The following PTPRD variants were observed in gnomAD, a reference collection of about 807,000 sequenced individuals.
PTPRD encodes the protein receptor-type tyrosine-protein phosphatase delta.
In PTPRD, 34 loss-of-function variants were observed where a neutral mutation model predicts 214.5. That is an observed-to-expected ratio of 0.16 (90% CI 0.12 to 0.21). PTPRD has a LOEUF of 0.21. Among genes scored for constraint, PTPRD ranks in the 10% least tolerant of loss-of-function variants. The pLI is 1.00. For synonymous variants in PTPRD, 1,128 were observed against 845.7 expected (o/e 1.33, Z -5.79); for missense variants, 2,545 against 2,398.7 (o/e 1.06, Z -1.27).
intron 11 of PTPRD, among the ~76,000 whole-genome samples, chr9:8,850,064 G>C (rs1188976937): frequency 1.3e-5 from 2 of 152,086 alleles, no homozygotes; most frequent in African/African-American, 2.4e-5. Context: ...ATGACACCAA[G>C]GTTTCTGATC....
intron 8 of PTPRD, among the ~76,000 whole-genome samples, chr9:9,572,906 A>G (rs896274345): frequency 1.3e-5 from 2 of 151,524 alleles, no homozygotes; most frequent in Non-Finnish European, 3.0e-5. Flanking sequence ...GTCAGTGACT[A>G]TAGGGAGCAA....
intron 9 of PTPRD, among the ~76,000 whole-genome samples, chr9:9,193,614 G>A (rs1001314919): frequency 1.3e-4 from 20 of 152,130 alleles, no homozygotes; most frequent in African/African-American, 4.6e-4. Flanking sequence ...GTAGGCAACT[G>A]TAACACAATG....
At chr9:9,289,376 T>C (rs557802878) in intron 9 of PTPRD, among the ~76,000 whole-genome samples, 1 of 152,038 alleles carries the variant, frequency 6.6e-6, no homozygotes, top group Admixed American at 6.6e-5. Flanking sequence ...ATCAAAATTA[T>C]ATGTATTCAA....
At chr9:9,921,220 C>A (rs973482046) in intron 5 of PTPRD, among the ~76,000 whole-genome samples, 1 of 152,080 alleles carries the variant, frequency 6.6e-6, no homozygotes, top group Admixed American at 6.6e-5. Flanking sequence ...AAAAGTGCTG[C>A]TTTCAACTCT....
Position 8,376,617 on chromosome 9 carries a change from G to C in PTPRD, c.4496C>G (p.Ala1499Gly), listed in dbSNP as rs775326809. ...ELATYCVRTF[A>G]LYKNGSSEKR... is the part of the protein sequence containing the mutation. The stretch of plus-strand genomic sequence containing the variant: ...AGATGAAAAGCAAACCTTGTAAAGT[G>C]CAAATGTTCGAACACAATATGTGGC... Residue 1499 changes from alanine to glycine, a missense_variant, in exon 38 of 46, where the codon GCA becomes GGA. Physicochemically the swap from Ala to Gly is moderately conservative, Grantham distance 60 (BLOSUM62 0). Coordinates refer to ENST00000381196, the MANE Select transcript of PTPRD (RefSeq NM_002839.4). The C allele has an allele frequency of 6.2e-7, 1 of 1,612,846 alleles. No homozygotes were observed. The highest frequency in any genetic ancestry group is 8.5e-7 in the Non-Finnish European group (1 of 1,179,178).
At chr9:9,349,757 G>GTT (rs60320413) in intron 9 of PTPRD, among the ~76,000 whole-genome samples, 7,620 of 147,238 alleles carry the variant, frequency 0.052, 632 homozygotes, top group African/African-American at 0.18. Context: ...CCCATCACAT[G>GTT]TTTTTTTTTT....
intron 3 of PTPRD, among the ~76,000 whole-genome samples, chr9:10,243,723 G>A (rs2091564436): frequency 6.6e-6 from 1 of 151,890 alleles, no homozygotes; most frequent in Admixed American, 6.6e-5. Context: ...TCACAATCTT[G>A]CTCCAACCTC....
intron 12 of PTPRD, among the ~76,000 whole-genome samples, chr9:8,680,615 A>G (rs976879115): frequency 6.6e-6 from 1 of 152,186 alleles, no homozygotes; most frequent in Admixed American, 6.5e-5. Flanking sequence ...ACTATATATG[A>G]TATTAAATAT....
chr9:9,629,541 T>C (rs1406966125), intron 7 of PTPRD, among the ~76,000 whole-genome samples: 2 of 152,086 alleles, frequency 1.3e-5, no homozygotes, highest in South Asian at 2.1e-4. Context: ...AGAAATTAAA[T>C]GCACAAAATA....
intron 11 of PTPRD, among the ~76,000 whole-genome samples, chr9:8,843,785 C>A (rs78749485): frequency 0.074 from 11,292 of 152,080 alleles, 526 homozygotes; most frequent in Non-Finnish European, 0.098. Context: ...TTGGCAAGGA[C>A]CCCATTTCTG....
chr9:10,163,303 T>C (rs1004853382), intron 3 of PTPRD, among the ~76,000 whole-genome samples: 2 of 151,402 alleles, frequency 1.3e-5, no homozygotes, highest in African/African-American at 4.8e-5. Context: ...TGATTTTAAT[T>C]ACTGTCTTTG....
chr9:10,117,569 C>T (rs1360999478), intron 3 of PTPRD, among the ~76,000 whole-genome samples: 3 of 150,952 alleles, frequency 2.0e-5, no homozygotes, highest in African/African-American at 7.3e-5. Flanking sequence ...AATCTACCTC[C>T]TTCTTCACTT....
chr9:9,540,369 G>A (rs2077335785), intron 8 of PTPRD, among the ~76,000 whole-genome samples: 1 of 151,822 alleles, frequency 6.6e-6, no homozygotes, highest in African/African-American at 2.4e-5. Flanking sequence ...TAGTATGTGT[G>A]TGTATGCCAG....
intron 7 of PTPRD, among the ~76,000 whole-genome samples, chr9:9,696,316 C>T (rs185622614): frequency 6.6e-6 from 1 of 152,186 alleles, no homozygotes; most frequent in Non-Finnish European, 1.5e-5. Context: ...TAGTTAGGCC[C>T]ATTTGGTCTA....
intron 11 of PTPRD, among the ~76,000 whole-genome samples, chr9:8,908,282 T>C (rs1050365567): frequency 2.6e-5 from 4 of 152,138 alleles, no homozygotes; most frequent in African/African-American, 9.7e-5. Flanking sequence ...ACTTGCACTG[T>C]AAGAAACACT....
At chr9:8,417,999 T>G (rs1258060596) in intron 35 of PTPRD, among the ~76,000 whole-genome samples, 1 of 152,168 alleles carries the variant, frequency 6.6e-6, no homozygotes, top group Non-Finnish European at 1.5e-5. Context: ...TTATGTTGCT[T>G]CCTGTACTGA....
intron 3 of PTPRD, among the ~76,000 whole-genome samples, chr9:10,087,567 C>G (rs553410922): frequency 1.3e-5 from 2 of 151,724 alleles, no homozygotes; most frequent in South Asian, 4.2e-4. Flanking sequence ...AATCTGGTAA[C>G]ACTAAGAGAC....
In PTPRD at chr9:10,070,146, G is replaced by T. The variant is rs561038339; in HGVS notation, c.-544-36356C>A. On this transcript the variant is annotated intron_variant, in intron 3 of 45. Coordinates refer to ENST00000381196, the MANE Select transcript of PTPRD (RefSeq NM_002839.4). ...CATAGGACTAATATATGGGCCAGTT[G>T]GGCACAGAGAGGAAATTGGTTTTTA... Among the ~76,000 whole-genome samples, 12 of 152,140 alleles carry T rather than the reference G, an allele frequency of 7.9e-5. No homozygotes were observed. The Middle Eastern group carries it at 0.014, about 172-fold the overall frequency.
intron 2 of PTPRD, among the ~76,000 whole-genome samples, chr9:10,500,456 G>A (rs954581737): frequency 6.6e-6 from 1 of 151,842 alleles, no homozygotes; most frequent in African/African-American, 2.4e-5. Flanking sequence ...ATTTTTATGT[G>A]AAATATGTTG....
Sources: gnomAD v4.1 joint callset for allele counts (sites outside exome capture counted in the v4.1 genomes callset) on GRCh38, gnomAD v4.1.1 for gene constraint, MANE v1.5 for transcripts, NCBI Gene and HGNC (gene_info 2026-07-23, HGNC 2026-07-21) for gene names.